The following VWC2 variants were observed in gnomAD, a reference collection of about 807,000 sequenced individuals.
VWC2 encodes von Willebrand factor C domain containing 2, also known as brorin.
In VWC2, 14 loss-of-function variants were observed where a neutral mutation model predicts 29.8. The observed-to-expected ratio is 0.47, with a 90% CI of 0.31 to 0.74. VWC2 has a LOEUF of 0.74. Ranked by LOEUF, VWC2 falls within the 30% of genes least tolerant of loss-of-function variation. The probability of loss-of-function intolerance (pLI) is 0.05; values close to 1 mark genes in which losing one functional copy is unlikely to be tolerated. For missense variants in VWC2, 457 were observed against 459.8 expected, an observed-to-expected ratio of 0.99 and a Z score of 0.05; for synonymous variants, 213 against 199.0, an observed-to-expected ratio of 1.07 and a Z score of -0.59.
At chr7:49,898,523 C>T (rs1022281019) in intron 3 of VWC2, among the ~76,000 whole-genome samples, 35 of 152,066 alleles carry the variant, frequency 2.3e-4, no homozygotes, top group East Asian at 3.9e-4. Context: ...GTTAATTCTG[C>T]AGGCTACAAA....
intron 2 of VWC2, among the ~76,000 whole-genome samples, chr7:49,798,654 C>A (rs1157221584): frequency 6.6e-6 from 1 of 151,976 alleles, no homozygotes; most frequent in East Asian, 1.9e-4. Context: ...GAAGAGCTGG[C>A]CTGAATCCAG....
intron 3 of VWC2, among the ~76,000 whole-genome samples, chr7:49,895,731 G>GTAT (rs1554341243): frequency 6.6e-6 from 1 of 151,528 alleles, no homozygotes. Context: ...TTTTCTGCCT[G>GTAT]CATATTTCTT....
At chr7:49,899,418 T>C (rs778901966) in intron 3 of VWC2, among the ~76,000 whole-genome samples, 27 of 152,118 alleles carry the variant, frequency 1.8e-4, no homozygotes, top group Admixed American at 3.9e-4. Flanking sequence ...ACTGAAACCA[T>C]GGAAAGCAAA....
At chr7:49,880,947 C>G (rs1791636094) in intron 3 of VWC2, among the ~76,000 whole-genome samples, 1 of 152,132 alleles carries the variant, frequency 6.6e-6, no homozygotes, top group Non-Finnish European at 1.5e-5. Flanking sequence ...ATCAGTTTAT[C>G]TGGCTTTGGT....
intron 2 of VWC2, among the ~76,000 whole-genome samples, chr7:49,783,828 T>C (rs1027597940): frequency 6.6e-6 from 1 of 151,876 alleles, no homozygotes; most frequent in Non-Finnish European, 1.5e-5. Context: ...GCTGGGAGGA[T>C]CACTTGAGCC....
rs690714 is a variant in VWC2 at position 49,910,934 on chromosome 7, T to A, written c.827-1100T>A. 3.6e-3 allele frequency among the ~76,000 whole-genome samples: 552 copies of A among 152,268 alleles called. 2 individuals carry two copies. Among genetic ancestry groups the A allele is most frequent in the African/African-American group, 0.013 (529 of 41,562 alleles). ...CTGCAAACAGTGTTTTCAACAGCCC[T>A]CCAGGCCATTGTAATGTATGGGAAA... is the stretch of plus-strand genomic sequence containing the variant. On this transcript the variant is annotated intron_variant, in intron 3 of 3. Transcript: ENST00000340652.
intron 3 of VWC2, among the ~76,000 whole-genome samples, chr7:49,878,289 G>C (rs1164008834): frequency 6.6e-6 from 1 of 152,122 alleles, no homozygotes; most frequent in African/African-American, 2.4e-5. Context: ...CAGTCACTGA[G>C]ATCTGCTCAC....
At chr7:49,819,368 A>G (rs1203887127) in intron 3 of VWC2, among the ~76,000 whole-genome samples, 1 of 152,184 alleles carries the variant, frequency 6.6e-6, no homozygotes, top group Non-Finnish European at 1.5e-5. Flanking sequence ...GTCTTGGGTG[A>G]CATGACTCCT....
intron 2 of VWC2, among the ~76,000 whole-genome samples, chr7:49,798,377 C>T (rs1026257369): frequency 6.6e-6 from 1 of 152,246 alleles, no homozygotes; most frequent in African/African-American, 2.4e-5. Context: ...CACTGTGACC[C>T]AGAATGCCAG....
At chr7:49,794,763 G>T (rs6962332) in intron 2 of VWC2, among the ~76,000 whole-genome samples, 40,217 of 151,906 alleles carry the variant, frequency 0.26, 6,648 homozygotes, top group Non-Finnish European at 0.37. Flanking sequence ...AGTTCAGTTC[G>T]GCCAGTCTAG....
At chr7:49,880,290 A>G (rs570863126) in intron 3 of VWC2, among the ~76,000 whole-genome samples, 22 of 152,204 alleles carry the variant, frequency 1.4e-4, no homozygotes, top group African/African-American at 5.1e-4. Context: ...GCATTTCTTA[A>G]TATATCATTT....
chr7:49,837,804 G>T (rs1293180948), intron 3 of VWC2, among the ~76,000 whole-genome samples: 1 of 152,154 alleles, frequency 6.6e-6, no homozygotes, highest in African/African-American at 2.4e-5. Flanking sequence ...CACAATCCAT[G>T]ATGCTGATAA....
intron 3 of VWC2, among the ~76,000 whole-genome samples, chr7:49,862,833 T>C (rs1188786240): frequency 6.6e-6 from 1 of 152,162 alleles, no homozygotes; most frequent in African/African-American, 2.4e-5. Flanking sequence ...TTGGTCATGA[T>C]GTATAATCCT....
intron 3 of VWC2, among the ~76,000 whole-genome samples, chr7:49,907,094 G>A (rs1285095070): frequency 6.6e-6 from 1 of 152,058 alleles, no homozygotes; most frequent in Admixed American, 6.5e-5. Context: ...GTGATAAGCT[G>A]GGACATGTTT....
At chr7:49,776,868 G>A (rs1771694636) in intron 2 of VWC2, among the ~76,000 whole-genome samples, 1 of 152,214 alleles carries the variant, frequency 6.6e-6, no homozygotes, top group African/African-American at 2.4e-5. Flanking sequence ...AGAGGAAACA[G>A]ACACAGAATA....
chr7:49,846,676 A>G (rs545999464), intron 3 of VWC2, among the ~76,000 whole-genome samples: 12 of 152,316 alleles, frequency 7.9e-5, no homozygotes, highest in African/African-American at 2.9e-4. Context: ...AGACGTTTTC[A>G]TCACAGTATC....
At chr7:49,819,353 T>TC (rs1475905815) in intron 3 of VWC2, among the ~76,000 whole-genome samples, 1 of 152,182 alleles carries the variant, frequency 6.6e-6, no homozygotes, top group African/African-American at 2.4e-5. Context: ...GCTGTGACGC[T>TC]CACAGTCTTG....
intron 3 of VWC2, among the ~76,000 whole-genome samples, chr7:49,833,223 T>C (rs1381001043): frequency 6.6e-6 from 1 of 152,164 alleles, no homozygotes; most frequent in Non-Finnish European, 1.5e-5. Context: ...CAGGAGGTAG[T>C]GGAGGGAGAT....
At chr7:49,899,187 C>A (rs1792571541) in intron 3 of VWC2, among the ~76,000 whole-genome samples, 1 of 151,924 alleles carries the variant, frequency 6.6e-6, no homozygotes, top group Non-Finnish European at 1.5e-5. Context: ...TAGTATTGAA[C>A]CCTATACATA....
Sources: gnomAD v4.1 joint callset for allele counts (sites outside exome capture counted in the v4.1 genomes callset) on GRCh38, gnomAD v4.1.1 for gene constraint, MANE v1.5 for transcripts, NCBI Gene and HGNC (gene_info 2026-07-23, HGNC 2026-07-21) for gene names.